FANCC: variants seen among roughly 807,000 people sequenced by gnomAD.
FANCC encodes FA complementation group C, also known as Fanconi anemia group C protein.
Under a neutral mutation model 71.3 loss-of-function variants are expected in FANCC, and 55 were observed. That is an observed-to-expected ratio of 0.77 (90% CI 0.62 to 0.97). FANCC has a LOEUF of 0.97. Among genes scored for constraint, FANCC ranks in the 50% least tolerant of loss-of-function variants. FANCC has a pLI of 0.00. For synonymous variants in FANCC, 275 were observed against 244.9 expected (o/e 1.12, Z -1.15); for missense variants, 678 against 670.9 (o/e 1.01, Z -0.12).
At chr9:95,272,970 A>C (rs1832825199) in intron 1 of FANCC, among the ~76,000 whole-genome samples, 1 of 152,162 alleles carries the variant, frequency 6.6e-6, no homozygotes, top group African/African-American at 2.4e-5. Flanking sequence ...AGAGAGATGA[A>C]GAACCTTACA....
chr9:95,148,490 T>C (rs555599254), intron 7 of FANCC, among the ~76,000 whole-genome samples: 1 of 152,372 alleles, frequency 6.6e-6, no homozygotes, highest in South Asian at 2.1e-4. Context: ...TTGTAGCCCA[T>C]GATAAATTTT....
chr9:95,298,964 CT>C (rs1341949569), intron 1 of FANCC, among the ~76,000 whole-genome samples: 3 of 152,206 alleles, frequency 2.0e-5, no homozygotes, highest in African/African-American at 2.4e-5. Context: ...AATGATTCTA[CT>C]TTTTGGTTGC....
intron 4 of FANCC, among the ~76,000 whole-genome samples, chr9:95,209,891 C>T (rs375921963): frequency 7.9e-5 from 12 of 152,128 alleles, no homozygotes; most frequent in African/African-American, 2.9e-4. Flanking sequence ...GAAATATCTG[C>T]ATCCAGACAT....
chr9:95,184,803 C>T (rs1242624706), intron 4 of FANCC, among the ~76,000 whole-genome samples: 1 of 152,210 alleles, frequency 6.6e-6, no homozygotes, highest in East Asian at 1.9e-4. Flanking sequence ...AAAGCAGGCA[C>T]TAAAGGAGAT....
At chr9:95,114,152 GATTT>G (rs1243850429) in intron 12 of FANCC, 3 of 201,080 alleles carry the variant, frequency 1.5e-5, no homozygotes, top group Non-Finnish European at 3.1e-5. Context: ...ATTTTAGAGA[GATTT>G]ATTAGAGAGA....
At chr9:95,244,734 T>G (rs961385062) in intron 3 of FANCC, among the ~76,000 whole-genome samples, 2 of 126,708 alleles carry the variant, frequency 1.6e-5, no homozygotes, top group Non-Finnish European at 3.2e-5. Context: ...GGTAAATACC[T>G]GCTGAATTAA....
At position 95,247,542 on chromosome 9, in the gene FANCC, C is replaced by A; in HGVS notation, c.166-26G>T. Reference sequence around the variant, plus strand: ...CTGTGAAAGAAAAATAAATTTTGGTCAGTAAAGGCATTATGCAACTTAGAA... The same window carrying A: ...CTGTGAAAGAAAAATAAATTTTGGTAAGTAAAGGCATTATGCAACTTAGAA... On this transcript the variant is annotated intron_variant, in intron 2 of 14. Coordinates refer to ENST00000289081, the MANE Select transcript of FANCC (RefSeq NM_000136.3). 2.0e-6 allele frequency: 3 copies of A among 1,497,084 alleles called. No individual in the cohort carries two copies. The South Asian group carries it at 3.4e-5, about 17-fold the overall frequency. 92.7% of individuals were successfully genotyped at this position (1,497,084 alleles called of 1,614,324 possible).
At chr9:95,315,641 C>T (rs1835694214) in intron 1 of FANCC, among the ~76,000 whole-genome samples, 1 of 152,234 alleles carries the variant, frequency 6.6e-6, no homozygotes. Flanking sequence ...TCAAGATCCA[C>T]AAACAAGACA....
At chr9:95,183,669 G>C (rs899032940) in intron 4 of FANCC, among the ~76,000 whole-genome samples, 7 of 152,162 alleles carry the variant, frequency 4.6e-5, no homozygotes, top group African/African-American at 1.4e-4. Flanking sequence ...GCACACCAAT[G>C]ATGATGTACT....
intron 3 of FANCC, among the ~76,000 whole-genome samples, chr9:95,241,550 C>CATCT (rs1830630214): frequency 6.6e-6 from 1 of 152,146 alleles, no homozygotes; most frequent in African/African-American, 2.4e-5. Context: ...AGTACCCGAG[C>CATCT]TAGGGCAAAG....
intron 14 of FANCC, among the ~76,000 whole-genome samples, chr9:95,105,174 G>A (rs887213370): frequency 1.3e-5 from 2 of 152,230 alleles, no homozygotes; most frequent in African/African-American, 4.8e-5. Context: ...CACCTGGGAG[G>A]CACAGCCTGG....
chr9:95,155,284 A>AGAGGGGAGGGGAG (rs1830400512), intron 6 of FANCC, among the ~76,000 whole-genome samples: 2 of 7,216 alleles, frequency 2.8e-4, no homozygotes, highest in Non-Finnish European at 5.0e-4. Flanking sequence ...GGGGAGGGGA[A>AGAGGGGAGGGGAG]GGAAGGGGAC....
Position 95,132,470 on chromosome 9 carries a change from C to T in FANCC, c.843+2876G>A, listed in dbSNP as rs533913721. Among the ~76,000 whole-genome samples, 35 of 152,270 alleles carry T rather than the reference C, an allele frequency of 2.3e-4. No homozygotes were observed. In the South Asian group the frequency reaches 6.9e-3, roughly 30 times the overall value. On this transcript the variant is annotated intron_variant, in intron 8 of 14. Coordinates refer to ENST00000289081, the MANE Select transcript of FANCC (RefSeq NM_000136.3). Reference sequence around the variant, plus strand: ...CTGAAGCTATGGATTATGGTCTTCCCGTGCCCATGCTGTCAAGGAAAACAC... The same window carrying T: ...CTGAAGCTATGGATTATGGTCTTCCTGTGCCCATGCTGTCAAGGAAAACAC...
chr9:95,285,150 A>T (rs1470226160), intron 1 of FANCC, among the ~76,000 whole-genome samples: 1 of 152,152 alleles, frequency 6.6e-6, no homozygotes, highest in Non-Finnish European at 1.5e-5. Flanking sequence ...TTGAGAAAGA[A>T]ATAATTTATT....
chr9:95,245,141 C>T (rs1369756099), intron 3 of FANCC, among the ~76,000 whole-genome samples: 2 of 152,176 alleles, frequency 1.3e-5, no homozygotes, highest in Admixed American at 6.5e-5. Context: ...ATTAATAAAT[C>T]CATGAAGCCC....
In FANCC at chr9:95,240,646, T is replaced by C. The variant is rs1830579368; in HGVS notation, c.345+3A>G. On this transcript the variant is annotated splice_donor_region_variant and intron_variant, in intron 4 of 14. Coordinates refer to ENST00000289081, the MANE Select transcript of FANCC (RefSeq NM_000136.3). ...AAGTGCAGAGCAAGATTTACTCTCT[T>C]ACCTGTATCCAGGAGTTAAGTTTTG... 4 of 1,595,646 alleles carry C rather than the reference T, an allele frequency of 2.5e-6. No individual in the cohort carries two copies. The highest frequency in any genetic ancestry group is 1.3e-5 in the African/African-American group (1 of 74,734).
chr9:95,200,419 A>G (rs1174854200), intron 4 of FANCC, among the ~76,000 whole-genome samples: 1 of 152,204 alleles, frequency 6.6e-6, no homozygotes, highest in Non-Finnish European at 1.5e-5. Flanking sequence ...TAAGCAGTCA[A>G]TAAGTGTGTG....
At chr9:95,114,270 TC>T in intron 12 of FANCC, 1 of 356,954 alleles carries the variant, frequency 2.8e-6, no homozygotes, top group South Asian at 2.3e-5. Flanking sequence ...AAGTGCCCTT[TC>T]CCTTCTGTGC....
chr9:95,189,104 A>C (rs1361415330), intron 4 of FANCC, among the ~76,000 whole-genome samples: 1 of 152,198 alleles, frequency 6.6e-6, no homozygotes, highest in African/African-American at 2.4e-5. Flanking sequence ...ATTTATTCCC[A>C]TCCCTTTTGC....
Sources: gnomAD v4.1 joint callset for allele counts (sites outside exome capture counted in the v4.1 genomes callset) on GRCh38, gnomAD v4.1.1 for gene constraint, MANE v1.5 for transcripts, NCBI Gene and HGNC (gene_info 2026-07-23, HGNC 2026-07-21) for gene names.